The following EDA variants were observed in gnomAD, a reference collection of about 807,000 sequenced individuals.
EDA encodes the protein ectodysplasin-A.
A neutral mutation model predicts 23.6 loss-of-function variants in EDA; 2 were observed. That is an observed-to-expected ratio of 0.08 (90% confidence interval 0.03 to 0.27). The LOEUF (loss-of-function observed/expected upper bound fraction) is 0.27, where lower values mean the gene tolerates loss of function less well. Among genes scored for constraint, EDA ranks in the 10% least tolerant of loss-of-function variants. EDA has a pLI of 1.00. For synonymous variants in EDA, 131 were observed against 132.0 expected (o/e 0.99, Z 0.05); for missense variants, 229 against 324.2 (o/e 0.71, Z 2.26).
intron 1 of EDA, among the ~76,000 whole-genome samples, chrX:69,654,115 A>C (rs1465026407): frequency 8.9e-6 from 1 of 111,752 alleles, no homozygotes; most frequent in Non-Finnish European, 1.9e-5. Flanking sequence ...AAACAAACAA[A>C]TCCATCAAAA....
intron 1 of EDA, among the ~76,000 whole-genome samples, chrX:69,629,945 A>G (rs1004730137): frequency 1.8e-5 from 2 of 111,451 alleles, no homozygotes; most frequent in African/African-American, 6.5e-5. Flanking sequence ...TTTCTTTTCA[A>G]GTCACAAACC....
chrX:69,857,143 C>G lies in EDA; in HGVS notation c.397-99884C>G, dbSNP rs2038008063. ...TTGAACAGGGTGTCATTTCCCTACT[C>G]TATGTTTTTCTTTGCTTTGTCGAAG... On this transcript the variant is annotated intron_variant, in intron 1 of 7. Transcript: ENST00000374552. Among the ~76,000 whole-genome samples, 3 of 111,610 alleles carry G rather than the reference C, an allele frequency of 2.7e-5. No individual in the cohort carries two copies. In the Admixed American group the frequency reaches 2.9e-4, roughly 11 times the overall value.
chrX:69,867,344 G>A (rs1317995956), intron 1 of EDA, among the ~76,000 whole-genome samples: 1 of 111,861 alleles, frequency 8.9e-6, no homozygotes, highest in Admixed American at 9.4e-5. Flanking sequence ...GTCACCTGTT[G>A]GTGAGCATTC....
At chrX:69,647,333 C>T (rs907173643) in intron 1 of EDA, among the ~76,000 whole-genome samples, 1 of 111,667 alleles carries the variant, frequency 9.0e-6, no homozygotes, top group African/African-American at 3.3e-5. Flanking sequence ...GTTCCCCAGT[C>T]GTAGGTTCAG....
At chrX:69,739,974 A>T (rs1265018065) in intron 1 of EDA, among the ~76,000 whole-genome samples, 1 of 111,152 alleles carries the variant, frequency 9.0e-6, no homozygotes, top group Non-Finnish European at 1.9e-5. Context: ...ATTAACCTTT[A>T]TATTGCCTTT....
chrX:69,725,614 T>C (rs2012766035), intron 1 of EDA, among the ~76,000 whole-genome samples: 1 of 112,431 alleles, frequency 8.9e-6, no homozygotes, highest in South Asian at 3.6e-4. Context: ...AAGAACTGTT[T>C]GTTTTCCCAA....
chrX:69,866,460 G>A (rs977675687), intron 1 of EDA, among the ~76,000 whole-genome samples: 4 of 111,059 alleles, frequency 3.6e-5, no homozygotes, highest in Admixed American at 9.6e-5. Context: ...TGGTGGCAGC[G>A]TTCTTCCCTC....
At chrX:69,696,594 A>C (rs779627368) in intron 1 of EDA, among the ~76,000 whole-genome samples, 1 of 111,996 alleles carries the variant, frequency 8.9e-6, no homozygotes, top group South Asian at 3.7e-4. Context: ...ACTCACGTAC[A>C]ACGGTTGTTT....
intron 1 of EDA, among the ~76,000 whole-genome samples, chrX:69,702,407 A>G (rs2011558863): frequency 9.0e-6 from 1 of 110,518 alleles, no homozygotes; most frequent in Non-Finnish European, 1.9e-5. Flanking sequence ...ATGGGTACAG[A>G]CAATACTAGA....
In EDA at chrX:69,705,746, CA is replaced by C. The variant is rs771270857; in HGVS notation, c.396+89043del. On this transcript the variant is annotated intron_variant, in intron 1 of 7. Coordinates refer to ENST00000374552, the MANE Select transcript of EDA (RefSeq NM_001399.5). ...TTAGATTCAACCTTTGTTTTAACCCCATCAGTGTCCATTTTAGTCATCTCAT... is the reference window on the plus strand; with the variant it reads ...TTAGATTCAACCTTTGTTTTAACCCCTCAGTGTCCATTTTAGTCATCTCAT... Among the ~76,000 whole-genome samples, 3 of 111,953 alleles carry C rather than the reference CA, an allele frequency of 2.7e-5. No individual in the cohort carries two copies. In the South Asian group the frequency reaches 1.1e-3, roughly 42 times the overall value.
At chrX:69,730,841 TA>T (rs1478573556) in intron 1 of EDA, among the ~76,000 whole-genome samples, 3 of 112,535 alleles carry the variant, frequency 2.7e-5, no homozygotes, top group African/African-American at 9.7e-5. Context: ...GAACAAATAT[TA>T]ATCCGCAGAC....
intron 1 of EDA, among the ~76,000 whole-genome samples, chrX:69,639,338 A>G (rs752777257): frequency 3.8e-4 from 42 of 111,699 alleles, no homozygotes; most frequent in African/African-American, 1.3e-3. Flanking sequence ...CTGAGGAACC[A>G]CCAAACTGTT....
In EDA at chrX:69,957,008, G is replaced by A. The variant is rs1439575469; in HGVS notation, c.397-19G>A. On this transcript the variant is annotated intron_variant, in intron 1 of 7. Coordinates refer to ENST00000374552, the MANE Select transcript of EDA (RefSeq NM_001399.5). ...TGAGTGGGGTCAACCTTTGACTAATGTACTTGTAATTTTTACAGATGGCCC... is the reference window on the plus strand; with the variant it reads ...TGAGTGGGGTCAACCTTTGACTAATATACTTGTAATTTTTACAGATGGCCC... 2 of 1,192,948 alleles carry A rather than the reference G, an allele frequency of 1.7e-6. No homozygotes were observed. Among genetic ancestry groups the A allele is most frequent in the African/African-American group, 1.8e-5 (1 of 56,746 alleles).
intron 1 of EDA, among the ~76,000 whole-genome samples, chrX:69,821,750 T>C (rs973369972): frequency 8.9e-6 from 1 of 111,901 alleles, no homozygotes; most frequent in Non-Finnish European, 1.9e-5. Flanking sequence ...TGTGCCTAGC[T>C]TATTTGCATC....
intron 1 of EDA, among the ~76,000 whole-genome samples, chrX:69,699,144 G>A (rs753755154): frequency 6.3e-5 from 7 of 111,068 alleles, no homozygotes; most frequent in Admixed American, 1.9e-4. Flanking sequence ...TCTCAAACAC[G>A]GCTAGAAAGG....
At chrX:69,782,366 TAAAAAAAAAAAA>T (rs751293381) in intron 1 of EDA, among the ~76,000 whole-genome samples, 2 of 65,483 alleles carry the variant, frequency 3.1e-5, no homozygotes, top group African/African-American at 1.5e-4. Context: ...TAAATGCTCT[TAAAAAAAAAAAA>T]AAAAAAAAAA....
At chrX:69,896,398 AGTGTGTGTGTGTGT>A (rs373119823) in intron 1 of EDA, among the ~76,000 whole-genome samples, 2 of 97,308 alleles carry the variant, frequency 2.1e-5, no homozygotes. Context: ...TATGTGCATC[AGTGTGTGTGTGTGT>A]GTGTGTGTGT....
At chrX:69,788,297 A>T (rs1445789242) in intron 1 of EDA, among the ~76,000 whole-genome samples, 2 of 112,678 alleles carry the variant, frequency 1.8e-5, no homozygotes, top group Admixed American at 9.3e-5. Flanking sequence ...CAGCTCGTCA[A>T]AGTCCTTCTC....
At chrX:70,029,589 G>C (rs2020170462) in intron 5 of EDA, 51 bp downstream of exon 5, 4 of 1,144,532 alleles carry the variant, frequency 3.5e-6, no homozygotes, top group South Asian at 3.6e-5. Context: ...CCACAGGCTA[G>C]AGCCACCTTT....
Sources: gnomAD v4.1 joint callset for allele counts (sites outside exome capture counted in the v4.1 genomes callset) on GRCh38, gnomAD v4.1.1 for gene constraint, MANE v1.5 for transcripts, NCBI Gene and HGNC (gene_info 2026-07-23, HGNC 2026-07-21) for gene names.